The following PYURF variants were observed in gnomAD, a reference collection of about 807,000 sequenced individuals.
The protein encoded by PYURF is protein preY, mitochondrial.
PYURF carries 9 observed loss-of-function variants against 8.0 expected under a neutral mutation model. That is an observed-to-expected ratio of 1.13 (90% CI 0.68 to 1.97). PYURF has a LOEUF of 1.97. Ranked by LOEUF, PYURF falls within the 30% of genes most tolerant of loss-of-function variation. The pLI is 0.00. For synonymous variants in PYURF, 56 were observed against 68.3 expected, an observed-to-expected ratio of 0.82 and a Z score of 0.89; for missense variants, 130 against 158.0, an observed-to-expected ratio of 0.82 and a Z score of 0.95.
Position 88,523,515 on chromosome 4 carries a change from G to A in PYURF, c.186C>T (p.Leu62=). Residue 62 remains leucine (L), a synonymous_variant, in exon 1 of 2, where the codon CTC becomes CTT. Transcript: ENST00000273968. ...PALLEFLVCP[L]SKKPLRYEAS... The stretch of plus-strand genomic sequence containing the variant: ...CGAGTTACCTGAGCGGCTTCTTGGA[G>A]AGCGGGCACACCAGGAACTCCAGCA... The A allele has an allele frequency of 3.9e-6, 6 of 1,551,302 alleles. No individual in the cohort carries two copies. The highest frequency in any genetic ancestry group is 5.2e-6 in the Non-Finnish European group (6 of 1,146,864).
In PYURF at chr4:88,521,844, G is replaced by C. The variant is rs1742377942; in HGVS notation, c.*44C>G. ...TGTTTTAAAAGGTATATGGTATTAA[G>C]AAAAGTTGGCTGTTGCGTTTTTTTA... On this transcript the variant is annotated 3_prime_UTR_variant, in exon 2 of 2. Coordinates refer to ENST00000273968, the MANE Select transcript of PYURF (RefSeq NM_032906.5). The C allele has an allele frequency of 1.3e-6, 2 of 1,569,958 alleles. No homozygotes were observed. The highest frequency in any genetic ancestry group is 1.9e-5 in the Admixed American group (1 of 51,844).
At chr4:88,522,640 A>G (rs931240532) in intron 1 of PYURF, among the ~76,000 whole-genome samples, 2 of 152,254 alleles carry the variant, frequency 1.3e-5, no homozygotes, top group Non-Finnish European at 2.9e-5. Flanking sequence ...CTACCATTCA[A>G]AGATAACCAC....
Position 88,521,948 on chromosome 4 carries a change from TATC to T in PYURF, c.282_284del (p.Met94del), listed in dbSNP as rs1198356400. On this transcript the variant is annotated inframe_deletion, in exon 2 of 2. Coordinates refer to ENST00000273968, the MANE Select transcript of PYURF (RefSeq NM_032906.5). ...GACGTGTCATCCTAGCTGCCTGTGGTATCATATTAGGGATCCCATCAATGATTG... is the reference window on the plus strand; with the variant it reads ...GACGTGTCATCCTAGCTGCCTGTGGTATATTAGGGATCCCATCAATGATTG... 6.4e-7 allele frequency: 1 copy of T among 1,551,578 alleles called. No homozygotes were observed.
chr4:88,523,352 G>T, intron 1 of PYURF, 146 bp downstream of exon 1: 2 of 836,054 alleles, frequency 2.4e-6, no homozygotes, highest in Non-Finnish European at 3.7e-6. Flanking sequence ...CCCGCTGTGC[G>T]CCCGGCGAGG....
At position 88,523,528 on chromosome 4, in the gene PYURF, AG is replaced by A; in HGVS notation, c.172del (p.Leu58TrpfsTer19). 1 of 1,551,244 alleles carries A rather than the reference AG, an allele frequency of 6.4e-7. No homozygotes were observed. Among genetic ancestry groups the A allele is most frequent in the South Asian group, 1.2e-5 (1 of 84,062 alleles). Reference sequence around the variant, plus strand: ...CGGCTTCTTGGAGAGCGGGCACACCAGGAACTCCAGCAGCGCCGGATCGAAG... The same window carrying A: ...CGGCTTCTTGGAGAGCGGGCACACCAGAACTCCAGCAGCGCCGGATCGAAG... ...RDFDPALLEF[L>X]VCPLSKKPLR... On this transcript the variant is annotated frameshift_variant, in exon 1 of 2. Coordinates refer to ENST00000273968, the MANE Select transcript of PYURF (RefSeq NM_032906.5). LOFTEE classifies it high-confidence loss of function.
In PYURF at chr4:88,521,090, G is replaced by A; in HGVS notation, c.*798C>T. ...AGGTAATTTTACAAACTCAGTTTTTGTAAGTACATGAAGTTTCTATTTGAT... is the reference window on the plus strand; with the variant it reads ...AGGTAATTTTACAAACTCAGTTTTTATAAGTACATGAAGTTTCTATTTGAT... On this transcript the variant is annotated 3_prime_UTR_variant, in exon 2 of 2. Coordinates refer to ENST00000273968, the MANE Select transcript of PYURF (RefSeq NM_032906.5). 1 of 153,106 alleles carries A rather than the reference G, an allele frequency of 6.5e-6. No homozygotes were observed. Among genetic ancestry groups the A allele is most frequent in the African/African-American group, 2.4e-5 (1 of 41,444 alleles). 9.5% of individuals were successfully genotyped at this position (153,106 alleles called of 1,614,324 possible). A position where few individuals can be genotyped will look rare whatever the true frequency, so the allele number is the denominator to read the frequency against.
rs1379565707 is a variant in PYURF at position 88,521,849 on chromosome 4, G to A, written c.*39C>T. The A allele has an allele frequency of 1.3e-6, 2 of 1,560,734 alleles. No individual in the cohort carries two copies. Among genetic ancestry groups the A allele is most frequent in the Non-Finnish European group, 1.7e-6 (2 of 1,154,350 alleles). ...TAAAAGGTATATGGTATTAAGAAAA[G>A]TTGGCTGTTGCGTTTTTTTAATTTT... On this transcript the variant is annotated 3_prime_UTR_variant, in exon 2 of 2. Transcript: ENST00000273968.
rs369508492 is a variant in PYURF at position 88,521,652 on chromosome 4, G to C, written c.*236C>G. 34 of 1,613,912 alleles carry C rather than the reference G, an allele frequency of 2.1e-5. No homozygotes were observed. The highest frequency in any genetic ancestry group is 2.7e-5 in the Non-Finnish European group (32 of 1,179,880). On this transcript the variant is annotated 3_prime_UTR_variant, in exon 2 of 2. Coordinates refer to ENST00000273968, the MANE Select transcript of PYURF (RefSeq NM_032906.5). ...CATACACTGGTATGGTAATAGGCAA[G>C]AGCAGGCTGTAAAAGCAAAGGCTGG...
chr4:88,521,504 C>T lies in PYURF; in HGVS notation c.*384G>A. ...TCTTTCCCGCAAACTAAATTCCATC[C>T]ATTTGAGCTTTCAGAGATCGATGCC... On this transcript the variant is annotated 3_prime_UTR_variant, in exon 2 of 2. Transcript: ENST00000273968. 4 of 1,370,286 alleles carry T rather than the reference C, an allele frequency of 2.9e-6. No homozygotes were observed. Among genetic ancestry groups the T allele is most frequent in the Non-Finnish European group, 4.1e-6 (4 of 982,620 alleles). 84.9% of individuals were successfully genotyped at this position (1,370,286 alleles called of 1,614,324 possible).
In PYURF at chr4:88,521,663, A is replaced by G; in HGVS notation, c.*225T>C. On this transcript the variant is annotated 3_prime_UTR_variant, in exon 2 of 2. Coordinates refer to ENST00000273968, the MANE Select transcript of PYURF (RefSeq NM_032906.5). ...ATGGTAATAGGCAAGAGCAGGCTGT[A>G]AAAGCAAAGGCTGGCTGTGCTAGTG... 6.2e-7 allele frequency: 1 copy of G among 1,614,014 alleles called. No homozygotes were observed. Among genetic ancestry groups the G allele is most frequent in the Non-Finnish European group, 8.5e-7 (1 of 1,179,870 alleles).
chr4:88,521,483 T>C lies in PYURF; in HGVS notation c.*405A>G, dbSNP rs1578076814. The stretch of plus-strand genomic sequence containing the variant: ...TGATATGCGCAAAGCAAAGCCTCTT[T>C]CCCGCAAACTAAATTCCATCCATTT... On this transcript the variant is annotated 3_prime_UTR_variant, in exon 2 of 2. Coordinates refer to ENST00000273968, the MANE Select transcript of PYURF (RefSeq NM_032906.5). The C allele has an allele frequency of 8.4e-7, 1 of 1,195,798 alleles. No individual in the cohort carries two copies. The highest frequency in any genetic ancestry group is 2.0e-4 in the Middle Eastern group (1 of 5,108). 74.1% of individuals were successfully genotyped at this position (1,195,798 alleles called of 1,614,324 possible).
chr4:88,521,427 C>G lies in PYURF; in HGVS notation c.*461G>C, dbSNP rs1357944287. ...AACAAGAGTACAATAAAAGAAGCAT[C>G]TGCAACTTAAGCCTCCCACAGTCCT... On this transcript the variant is annotated 3_prime_UTR_variant, in exon 2 of 2. Coordinates refer to ENST00000273968, the MANE Select transcript of PYURF (RefSeq NM_032906.5). 1 of 680,378 alleles carries G rather than the reference C, an allele frequency of 1.5e-6. No homozygotes were observed. Among genetic ancestry groups the G allele is most frequent in the African/African-American group, 1.8e-5 (1 of 55,204 alleles). 42.1% of individuals were successfully genotyped at this position (680,378 alleles called of 1,614,324 possible).
At position 88,523,728 on chromosome 4, in the gene PYURF, C is replaced by T. The variant is rs1174357042; in HGVS notation, c.-28G>A. On this transcript the variant is annotated 5_prime_UTR_variant, in exon 1 of 2. The change creates a new upstream start codon in the 5' untranslated region. Transcript: ENST00000273968. ...TCTGGCAGCCGGAGACCAGGCCTCA[C>T]CGCAGCCTCGCCACCCGTGGCCGAG... The T allele has an allele frequency of 7.1e-7, 1 of 1,416,408 alleles. No homozygotes were observed. Among genetic ancestry groups the T allele is most frequent in the African/African-American group, 1.5e-5 (1 of 66,130 alleles). The allele number at this position is 1,416,408 out of a possible 1,614,324, so 87.7% of individuals were successfully genotyped here.
chr4:88,523,406 C>T, intron 1 of PYURF, 92 bp downstream of exon 1: 3 of 1,334,824 alleles, frequency 2.2e-6, no homozygotes, highest in Non-Finnish European at 3.1e-6. Flanking sequence ...GACCGACCTA[C>T]AAGGCCCCAG....
In PYURF at chr4:88,521,878, A is replaced by C; in HGVS notation, c.*10T>G. ...GCTGTTGCGTTTTTTTAATTTTTTTAAATTATGAACTAGCGCTGCTCCACT... is the reference window on the plus strand; with the variant it reads ...GCTGTTGCGTTTTTTTAATTTTTTTCAATTATGAACTAGCGCTGCTCCACT... On this transcript the variant is annotated 3_prime_UTR_variant, in exon 2 of 2. Coordinates refer to ENST00000273968, the MANE Select transcript of PYURF (RefSeq NM_032906.5). 6.5e-7 allele frequency: 1 copy of C among 1,540,308 alleles called. No individual in the cohort carries two copies. Among genetic ancestry groups the C allele is most frequent in the Non-Finnish European group, 8.7e-7 (1 of 1,144,110 alleles).
rs937066280 is a variant in PYURF at position 88,523,489 on chromosome 4, G to C, written c.203+9C>G. 4.1e-5 allele frequency: 63 copies of C among 1,551,064 alleles called. 1 individual carries two copies. Among genetic ancestry groups the C allele is most frequent in the Non-Finnish European group, 5.4e-5 (62 of 1,146,822 alleles). ...GGCTGCAAAGGAAGGGCCAAGGCCAGCGAGTTACCTGAGCGGCTTCTTGGA... is the reference window on the plus strand; with the variant it reads ...GGCTGCAAAGGAAGGGCCAAGGCCACCGAGTTACCTGAGCGGCTTCTTGGA... On this transcript the variant is annotated intron_variant, in intron 1 of 1. Coordinates refer to ENST00000273968, the MANE Select transcript of PYURF (RefSeq NM_032906.5).
chr4:88,521,537 T>C lies in PYURF; in HGVS notation c.*351A>G. On this transcript the variant is annotated 3_prime_UTR_variant, in exon 2 of 2. Transcript: ENST00000273968. ...CTTTCAGAGATCGATGCCCAAGAGC[T>C]ATCATTAATATATACAGCATATTGA... 3.3e-6 allele frequency: 5 copies of C among 1,524,298 alleles called. No homozygotes were observed. Among genetic ancestry groups the C allele is most frequent in the Non-Finnish European group, 4.5e-6 (5 of 1,103,688 alleles). 94.4% of individuals were successfully genotyped at this position (1,524,298 alleles called of 1,614,324 possible).
Position 88,522,012 on chromosome 4 carries a change from T to C in PYURF, c.221A>G (p.Asn74Ser). ...TCCCAACTCTTCATTAATCAATTCG[T>C]TTGTTGATGCTTCATATCTGAGGTG... ...KKPLRYEAST[N>S]ELINEELGIA... The change falls in exon 2 of 2, where the codon AAC becomes AGC. Residue 74 changes from asparagine (N) to serine (S), a missense_variant. Physicochemically the swap from Asn to Ser is conservative, Grantham distance 46 (BLOSUM62 1). Transcript: ENST00000273968. 1 of 1,547,784 alleles carries C rather than the reference T, an allele frequency of 6.5e-7. No individual in the cohort carries two copies. Among genetic ancestry groups the C allele is most frequent in the Non-Finnish European group, 8.7e-7 (1 of 1,145,996 alleles).
intron 1 of PYURF, among the ~76,000 whole-genome samples, chr4:88,522,581 A>G (rs1259761164): frequency 6.6e-6 from 1 of 152,246 alleles, no homozygotes; most frequent in Non-Finnish European, 1.5e-5. Flanking sequence ...GAGAAAATTG[A>G]ATAATATGTT....
Sources: allele counts gnomAD v4.1 joint callset (sites outside exome capture counted in the v4.1 genomes callset), GRCh38; gene constraint gnomAD v4.1.1; transcripts MANE v1.5; gene names NCBI Gene and HGNC (gene_info 2026-07-23, HGNC 2026-07-21).